POLRMT: variants seen among roughly 807,000 people sequenced by gnomAD.
POLRMT encodes RNA polymerase mitochondrial, also known as DNA-directed RNA polymerase, mitochondrial.
Under a neutral mutation model 132.2 loss-of-function variants are expected in POLRMT, and 114 were observed. The ratio of observed to expected loss-of-function variants is 0.86; its 90% CI spans 0.74 to 1.01. The LOEUF (loss-of-function observed/expected upper bound fraction) is 1.01, where lower values mean the gene tolerates loss of function less well. Ranked by LOEUF, POLRMT falls within the 50% of genes least tolerant of loss-of-function variation. The probability of loss-of-function intolerance (pLI) is 0.00; values close to 1 mark genes in which losing one functional copy is unlikely to be tolerated. For missense variants in POLRMT, 2,003 were observed against 1,729.1 expected (o/e 1.16, Z -2.81); for synonymous variants, 1,020 against 773.4 (o/e 1.32, Z -5.29).
At position 622,606 on chromosome 19, in the gene POLRMT, G is replaced by A. The variant is rs763263408; in HGVS notation, c.1602C>T (p.Leu534=). 5 of 1,605,730 alleles carry A rather than the reference G, an allele frequency of 3.1e-6. No individual in the cohort carries two copies. The highest frequency in any genetic ancestry group is 2.2e-5 in the South Asian group (2 of 90,242). ...QALQNHYRKY[L]CLLASDAEVP... is the part of the protein sequence containing the mutation. ...CCTCGGCGTCGGAGGCCAGCAAGCA[G>A]AGGTACTTCCTGTAGTGGTTCTGCA... Residue 534 remains leucine (L), a synonymous_variant, in exon 8 of 21, where the codon CTC becomes CTT. Transcript: ENST00000588649.
intron 3 of POLRMT, among the ~76,000 whole-genome samples, chr19:626,889 A>G (rs1985057809): frequency 7.0e-6 from 1 of 141,872 alleles, no homozygotes; most frequent in Non-Finnish European, 1.5e-5. Flanking sequence ...TAAAATATAC[A>G]CACACACACA....
Position 617,432 on chromosome 19 carries a change from C to T in POLRMT, c.3630G>A (p.Ala1210=), listed in dbSNP as rs574675437. The T allele has an allele frequency of 3.5e-5, 56 of 1,612,090 alleles. No individual in the cohort carries two copies. The highest frequency in any genetic ancestry group is 3.3e-4 in the South Asian group (30 of 91,060). ...CCACCCGCCTACCTGGCTTGGGCAC[C>T]GCCTGCAGTGTCTCCTTCAGCTGGC... ...EASQLKETLQ[A]VPKPGAFDLE... Residue 1210 remains alanine (A), a synonymous_variant, in exon 20 of 21, where the codon GCG becomes GCA. Coordinates refer to ENST00000588649, the MANE Select transcript of POLRMT (RefSeq NM_005035.4).
Position 633,529 on chromosome 19 carries a change from G to GGCACCGCCGCCGCCGCCGCCGCC in POLRMT, c.-18_-17insGGCGGCGGCGGCGGCGGCGGTGC. On this transcript the variant is annotated 5_prime_UTR_variant, in exon 1 of 21. Coordinates refer to ENST00000588649, the MANE Select transcript of POLRMT (RefSeq NM_005035.4). ...TGCCGACATTACGCACGCCGCTCCA[G>GGCACCGCCGCCGCCGCCGCCGCC]GCCACCCCACCGGCCCGCGCCTGCG... 1 of 1,463,692 alleles carries GGCACCGCCGCCGCCGCCGCCGCC rather than the reference G, an allele frequency of 6.8e-7. No homozygotes were observed. Among genetic ancestry groups the GGCACCGCCGCCGCCGCCGCCGCC allele is most frequent in the Admixed American group, 2.1e-5 (1 of 48,524 alleles). 90.7% of individuals were successfully genotyped at this position (1,463,692 alleles called of 1,614,324 possible). A position where few individuals can be genotyped will look rare whatever the true frequency, so the allele number is the denominator to read the frequency against.
At chr19:618,460 G>A (rs375861941) in intron 17 of POLRMT, 28 bp downstream of exon 17, 37 of 1,540,536 alleles carry the variant, frequency 2.4e-5, no homozygotes, top group African/African-American at 8.2e-5. Context: ...GGAGGCGAGC[G>A]GCACCCACGC....
chr19:621,919 T>C, intron 9 of POLRMT, 73 bp from the exon 10 acceptor site: 1 of 1,524,274 alleles, frequency 6.6e-7, no homozygotes, highest in Non-Finnish European at 8.8e-7. Context: ...TAAACTTGGG[T>C]GAGAGGGGCC....
At chr19:620,312 CCCAGGCCCAGTGCACACTGCACGG>C (rs1352241424) in intron 11 of POLRMT, 29 bp downstream of exon 11, 18 of 1,500,364 alleles carry the variant, frequency 1.2e-5, no homozygotes, top group Non-Finnish European at 1.6e-5. Flanking sequence ...CAAGTCGAGC[CCCAGGCCCAGTGCACACTGCACGG>C]CCTCGGGGGC....
intron 10 of POLRMT, 33 bp from the exon 11 acceptor site, chr19:620,520 C>T (rs779643759): frequency 2.0e-6 from 3 of 1,519,516 alleles, no homozygotes; most frequent in Non-Finnish European, 2.7e-6. Context: ...GCAGTGAGGC[C>T]CGGGCCCGAT....
At chr19:626,890 C>T (rs544088795) in intron 3 of POLRMT, among the ~76,000 whole-genome samples, 3 of 142,066 alleles carry the variant, frequency 2.1e-5, no homozygotes, top group South Asian at 4.8e-4. Flanking sequence ...AAAATATACA[C>T]ACACACACAT....
rs1254068705 is a variant in POLRMT at position 619,237 on chromosome 19, C to T, written c.3126G>A (p.Glu1042=). The T allele has an allele frequency of 2.5e-6, 4 of 1,609,574 alleles. No homozygotes were observed. Among genetic ancestry groups the T allele is most frequent in the Non-Finnish European group, 3.4e-6 (4 of 1,179,202 alleles). ...GGATGGCCCGGGTCCCCGAGAACAT[C>T]TCCTGTAGACTCTTGAAGACCTGGC... is the stretch of plus-strand genomic sequence containing the variant. ...LVRQVFKSLQ[E]MFSGTRAIQH... is the part of the protein sequence containing the mutation. Residue 1042 remains glutamate (E), a synonymous_variant, in exon 14 of 21, where the codon GAG becomes GAA. Transcript: ENST00000588649.
intron 2 of POLRMT, among the ~76,000 whole-genome samples, chr19:631,312 A>G (rs1229355972): frequency 7.7e-6 from 1 of 130,338 alleles, no homozygotes; most frequent in Non-Finnish European, 1.6e-5. Context: ...TGAGAGACAG[A>G]GCAGGACCCT....
intron 15 of POLRMT, 115 bp downstream of exon 15, chr19:618,882 T>G (rs1600556161): frequency 7.3e-7 from 1 of 1,363,368 alleles, no homozygotes; most frequent in Non-Finnish European, 1.0e-6. Flanking sequence ...CGGGATGGGG[T>G]GGCACACTGG....
chr19:627,942 AAAGAT>A (rs1486870377), intron 3 of POLRMT, among the ~76,000 whole-genome samples: 1 of 151,684 alleles, frequency 6.6e-6, no homozygotes, highest in African/African-American at 2.4e-5. Context: ...AAAAAAAAAA[AAAGAT>A]AGAAGCAATG....
In POLRMT at chr19:617,559, G is replaced by A; in HGVS notation, c.3581+11C>T. ...GGGAATCCAGGTAGTTGGGGTCAGG[G>A]AGCGCCTTACTCAGAGCAGAACCGC... On this transcript the variant is annotated intron_variant, in intron 19 of 20. Transcript: ENST00000588649. The A allele has an allele frequency of 4.3e-6, 7 of 1,611,240 alleles. No homozygotes were observed. Among genetic ancestry groups the A allele is most frequent in the Non-Finnish European group, 5.9e-6 (7 of 1,179,848 alleles).
rs775678643 is a variant in POLRMT at position 622,886 on chromosome 19, G to C, written c.1390C>G (p.Arg464Gly). The C allele has an allele frequency of 3.7e-6, 6 of 1,611,046 alleles. No individual in the cohort carries two copies. Among genetic ancestry groups the C allele is most frequent in the Middle Eastern group, 1.7e-4 (1 of 5,922 alleles). The change falls in exon 7 of 21, where the codon CGG becomes GGG. Residue 464 changes from arginine (R) to glycine (G), a missense_variant. Transcript: ENST00000588649. The part of the protein sequence containing the change: ...NRLEREVYEG[R>G]FSLYPFLCLL... ...CACAGGAAGGGGTAAAGTGAGAACCGGCCCTCGTACACCTCGCGCTCTAGG... is the reference window on the plus strand; with the variant it reads ...CACAGGAAGGGGTAAAGTGAGAACCCGCCCTCGTACACCTCGCGCTCTAGG...
rs758615327 is a variant in POLRMT at position 623,545 on chromosome 19, A to G, written c.1199T>C (p.Phe400Ser). The change falls in exon 6 of 21, where the codon TTT (phenylalanine) becomes TCT (serine). Residue 400 changes from phenylalanine to serine, a missense_variant. Coordinates refer to ENST00000588649, the MANE Select transcript of POLRMT (RefSeq NM_005035.4). The part of the protein sequence containing the change: ...HLPLKTLQCL[F>S]EKQLHMELAS... ...CAGCTCCATGTGGAGCTGCTTCTCA[A>G]AGAGGCACTGCAGGGTCTTCAAGGG... 8.7e-6 allele frequency: 14 copies of G among 1,613,522 alleles called. No individual in the cohort carries two copies. The East Asian group carries it at 2.9e-4, about 33-fold the overall frequency.
At position 619,729 on chromosome 19, in the gene POLRMT, T is replaced by A. The variant is rs1402201095; in HGVS notation, c.2923A>T (p.Met975Leu). Residue 975 changes from methionine (M) to leucine (L), a missense_variant, in exon 13 of 21, where the codon ATG becomes TTG. Physicochemically the swap from Met to Leu is conservative, Grantham distance 15. Transcript: ENST00000588649. The part of the protein sequence containing the change: ...VFRRQDAQRG[M>L]RVAQVLEGFI... ...CCTTCCAGCACCTGTGCCACCCGCA[T>A]GCCCCGCTGGGCGTCCTGCCTACGG... 6.3e-7 allele frequency: 1 copy of A among 1,599,284 alleles called. No individual in the cohort carries two copies. Among genetic ancestry groups the A allele is most frequent in the Non-Finnish European group, 8.5e-7 (1 of 1,172,994 alleles).
At chr19:619,393 G>A (rs559784411) in intron 13 of POLRMT, 97 bp from the exon 14 acceptor site, 10 of 1,442,242 alleles carry the variant, frequency 6.9e-6, no homozygotes, top group African/African-American at 4.2e-5. Context: ...AAGGCCTAGG[G>A]CCTAGCAGGG....
chr19:633,085 G>A (rs933515007), intron 1 of POLRMT, 147 bp from the exon 2 acceptor site: 6 of 666,904 alleles, frequency 9.0e-6, no homozygotes, highest in Non-Finnish European at 4.7e-6. Context: ...AAGAAACTAA[G>A]ACAGCGAAGG....
rs372384711 is a variant in POLRMT, at chr19:633,494, C to A, written c.19G>T (p.Gly7Cys). The A allele has an allele frequency of 1.1e-5, 16 of 1,493,720 alleles. No homozygotes were observed. The highest frequency in any genetic ancestry group is 7.5e-5 in the East Asian group (3 of 40,072). 92.5% of individuals were successfully genotyped at this position (1,493,720 alleles called of 1,614,324 possible). A position where few individuals can be genotyped will look rare whatever the true frequency, so the allele number is the denominator to read the frequency against. The change falls in exon 1 of 21, where the codon GGC becomes TGC. Residue 7 changes from glycine to cysteine, a missense_variant. Coordinates refer to ENST00000588649, the MANE Select transcript of POLRMT (RefSeq NM_005035.4). ...CGTTTGAGCCCCGCCGCTCCGCGGC[C>A]CCAGCAAAGTGCCGACATTACGCAC... is the stretch of plus-strand genomic sequence containing the variant. MSALCW[G>C]RGAAGLKRAL... is the part of the protein sequence containing the mutation.
Sources: allele counts gnomAD v4.1 joint callset (sites outside exome capture counted in the v4.1 genomes callset), GRCh38; gene constraint gnomAD v4.1.1; transcripts MANE v1.5; gene names NCBI Gene and HGNC (gene_info 2026-07-23, HGNC 2026-07-21).